The following POLR3E variants were observed in gnomAD, a reference collection of about 807,000 sequenced individuals.
The protein encoded by POLR3E is RNA polymerase III subunit E, also known as DNA-directed RNA polymerase III subunit RPC5.
A neutral mutation model predicts 96.6 loss-of-function variants in POLR3E; 41 were observed. The observed-to-expected ratio is 0.42, with a 90% confidence interval of 0.33 to 0.55. The LOEUF is 0.55. Ranked by LOEUF, POLR3E falls within the 20% of genes least tolerant of loss-of-function variation. The probability of loss-of-function intolerance (pLI) is 0.06; values close to 1 mark genes in which losing one functional copy is unlikely to be tolerated. For missense variants in POLR3E, 849 were observed against 952.1 expected (o/e 0.89, Z 1.43); for synonymous variants, 396 against 383.6 (o/e 1.03, Z -0.38).
At position 22,331,968 on chromosome 16, in the gene POLR3E, C is replaced by T. The variant is rs759449242; in HGVS notation, c.1945-92C>T. 7.4e-6 allele frequency: 10 copies of T among 1,351,308 alleles called. 1 individual carries two copies. In the Middle Eastern group the frequency reaches 1.3e-3, roughly 176 times the overall value. The allele number at this position is 1,351,308 out of a possible 1,614,324, so 83.7% of individuals were successfully genotyped here. A position where few individuals can be genotyped will look rare whatever the true frequency, so the allele number is the denominator to read the frequency against. On this transcript the variant is annotated intron_variant, in intron 19 of 20. Coordinates refer to ENST00000299853, the MANE Select transcript of POLR3E (RefSeq NM_018119.4). Reference sequence around the variant, plus strand: ...AGGGTTTTTATCAGAGACTGCAACACAAAGTCAGGTGCATGGCTTGGGTGT... The same window carrying T: ...AGGGTTTTTATCAGAGACTGCAACATAAAGTCAGGTGCATGGCTTGGGTGT...
intron 13 of POLR3E, among the ~76,000 whole-genome samples, chr16:22,321,536 C>T (rs1322227043): frequency 2.0e-5 from 3 of 152,184 alleles, no homozygotes; most frequent in East Asian, 1.9e-4. Context: ...CATAGGACCA[C>T]GTGTGTATAT....
intron 19 of POLR3E, chr16:22,331,493 CTG>C (rs2048739568): frequency 6.6e-6 from 1 of 152,382 alleles, no homozygotes; most frequent in Admixed American, 6.5e-5. Context: ...TTATAAAATC[CTG>C]TGAGTTGTTA....
chr16:22,329,543 T>C (rs1408828084), intron 19 of POLR3E, among the ~76,000 whole-genome samples: 3 of 152,058 alleles, frequency 2.0e-5, no homozygotes, highest in Non-Finnish European at 4.4e-5. Flanking sequence ...CCCACTGAGC[T>C]CTCTGTCCCC....
At position 22,308,294 on chromosome 16, in the gene POLR3E, G is replaced by A. The variant is rs74014922; in HGVS notation, c.165+69G>A. On this transcript the variant is annotated intron_variant, in intron 4 of 20. Coordinates refer to ENST00000299853, the MANE Select transcript of POLR3E (RefSeq NM_018119.4). ...GATGAGGGTGGGAGCTGGTGGAGGC[G>A]AGAAGCTCAGAGAAGGAGTCATTGG... 36 of 1,126,606 alleles carry A rather than the reference G, an allele frequency of 3.2e-5. No individual in the cohort carries two copies. In the African/African-American group the frequency reaches 4.3e-4, roughly 13 times the overall value. 69.8% of individuals were successfully genotyped at this position (1,126,606 alleles called of 1,614,324 possible).
chr16:22,326,514 G>C (rs948304371), intron 18 of POLR3E: 6 of 582,974 alleles, frequency 1.0e-5, no homozygotes, highest in African/African-American at 7.5e-5. Context: ...CTGAAGGCCC[G>C]GCCTATTGCC....
At chr16:22,316,365 G>A (rs2048355341) in intron 9 of POLR3E, among the ~76,000 whole-genome samples, 1 of 152,194 alleles carries the variant, frequency 6.6e-6, no homozygotes, top group Non-Finnish European at 1.5e-5. Flanking sequence ...GTCATTGCTG[G>A]TGGTGTACCT....
At chr16:22,305,090 G>A in intron 2 of POLR3E, 66 bp from the exon 3 acceptor site, 2 of 1,277,584 alleles carry the variant, frequency 1.6e-6, no homozygotes, top group Non-Finnish European at 2.3e-6. Flanking sequence ...TGGAAGCGCT[G>A]GCATAGCCCG....
chr16:22,328,159 G>A (rs751818741), intron 18 of POLR3E: 1 of 218,316 alleles, frequency 4.6e-6, no homozygotes, highest in East Asian at 1.2e-4. Context: ...AGGACTCTGG[G>A]TGTTAAAGCA....
At chr16:22,310,441 C>T (rs1300048781) in intron 6 of POLR3E, 1 of 152,090 alleles carries the variant, frequency 6.6e-6, no homozygotes, top group Admixed American at 6.6e-5. Context: ...CATGCACCAC[C>T]ACACCTGGCT....
chr16:22,308,988 A>G lies in POLR3E; in HGVS notation c.229A>G (p.Ile77Val). Residue 77 changes from isoleucine (I) to valine (V), a missense_variant, in exon 5 of 21, where the codon ATT (isoleucine) becomes GTT (valine). Physicochemically the swap from Ile to Val is conservative, Grantham distance 29 (BLOSUM62 3). Coordinates refer to ENST00000299853, the MANE Select transcript of POLR3E (RefSeq NM_018119.4). The stretch of plus-strand genomic sequence containing the variant: ...CTATTGCCGCAGCAAAGGGGAGCAG[A>G]TTGCGCTGAACGTGGACGGGGCCTG... Reference protein sequence around the residue: ...PNYCRSKGEQIALNVDGACAD... With the variant: ...PNYCRSKGEQVALNVDGACAD... 1.2e-6 allele frequency: 2 copies of G among 1,614,034 alleles called. No homozygotes were observed. The highest frequency in any genetic ancestry group is 1.7e-6 in the Non-Finnish European group (2 of 1,179,966).
rs372034776 is a variant in POLR3E at position 22,330,623 on chromosome 16, C to A, written c.1945-1437C>A. On this transcript the variant is annotated intron_variant, in intron 19 of 20. Transcript: ENST00000299853. The stretch of plus-strand genomic sequence containing the variant: ...TGCTTCTCCAGTGAGACTCGCTCTT[C>A]CCCATGTCTGTTGCTGAATTCTGGA... 4.6e-5 allele frequency among the ~76,000 whole-genome samples: 7 copies of A among 152,304 alleles called. No homozygotes were observed. The East Asian group carries it at 1.3e-3, about 29-fold the overall frequency.
At chr16:22,304,652 C>T (rs917053616) in intron 2 of POLR3E, among the ~76,000 whole-genome samples, 1 of 152,000 alleles carries the variant, frequency 6.6e-6, no homozygotes, top group African/African-American at 2.4e-5. Flanking sequence ...GGAAGGTAAA[C>T]TGCTGCGTGG....
At chr16:22,301,733 C>G (rs1157269110) in intron 1 of POLR3E, among the ~76,000 whole-genome samples, 1 of 152,052 alleles carries the variant, frequency 6.6e-6, no homozygotes, top group Admixed American at 6.6e-5. Flanking sequence ...CAAGACTAAC[C>G]TGGCCAACAT....
intron 18 of POLR3E, chr16:22,327,050 G>A (rs1361881656): frequency 6.6e-6 from 1 of 152,464 alleles, no homozygotes; most frequent in African/African-American, 2.4e-5. Context: ...GAGAGCGCCA[G>A]GTGCTGCCTG....
intron 3 of POLR3E, among the ~76,000 whole-genome samples, chr16:22,307,364 C>T (rs1033890601): frequency 4.6e-5 from 7 of 152,124 alleles, no homozygotes; most frequent in Non-Finnish European, 8.8e-5. Flanking sequence ...CGTCTCCTTG[C>T]GCTAGAATGT....
At position 22,317,026 on chromosome 16, in the gene POLR3E, CAGG is replaced by C. The variant is rs754138133; in HGVS notation, c.769_771del (p.Glu257del). On this transcript the variant is annotated inframe_deletion, in exon 11 of 21. Transcript: ENST00000299853. ...CCTGATGATGCTGATGCCACCCAGC[CAGG>C]AGGAGGAGAAGTGAGTAGAGGCGGC... The C allele has an allele frequency of 2.3e-5, 37 of 1,614,160 alleles. No homozygotes were observed. Among genetic ancestry groups the C allele is most frequent in the African/African-American group, 4.0e-5 (3 of 75,058 alleles).
intron 6 of POLR3E, among the ~76,000 whole-genome samples, chr16:22,311,180 G>A (rs1194942182): frequency 6.6e-6 from 1 of 151,682 alleles, no homozygotes; most frequent in African/African-American, 2.4e-5. Context: ...TGTTGGCCAG[G>A]CTGGTCTCGA....
At chr16:22,325,339 C>G in intron 17 of POLR3E, 73 bp downstream of exon 17, 1 of 1,213,256 alleles carries the variant, frequency 8.2e-7, no homozygotes, top group Non-Finnish European at 1.2e-6. Flanking sequence ...TGTGCTAGAG[C>G]TTGTCAGGCC....
At position 22,324,502 on chromosome 16, in the gene POLR3E, G is replaced by T. The variant is rs746496520; in HGVS notation, c.1129-1G>T. On this transcript the variant is annotated splice_acceptor_variant, in intron 15 of 20. Transcript: ENST00000299853. LOFTEE classifies it high-confidence loss of function. ...CTCACGCTGGGCCCCCTCCCCTCCA[G>T]CTCTGCGCCGAGGATGTGAAGGACT... The T allele has an allele frequency of 6.2e-7, 1 of 1,611,136 alleles. No homozygotes were observed. The highest frequency in any genetic ancestry group is 8.5e-7 in the Non-Finnish European group (1 of 1,178,704).
Sources: allele counts gnomAD v4.1 joint callset (sites outside exome capture counted in the v4.1 genomes callset), GRCh38; gene constraint gnomAD v4.1.1; transcripts MANE v1.5; gene names NCBI Gene and HGNC (gene_info 2026-07-23, HGNC 2026-07-21).